Variants in DHH observed in about 807,000 individuals in gnomAD.
The protein encoded by DHH is desert hedgehog protein.
Under a neutral mutation model 27.6 loss-of-function variants are expected in DHH, and 16 were observed. The observed-to-expected ratio is 0.58, with a 90% CI of 0.39 to 0.88. The LOEUF (loss-of-function observed/expected upper bound fraction) is 0.88. DHH is among the 40% of genes least tolerant of loss of function. DHH has a pLI of 0.00. For missense variants in DHH, 436 were observed against 563.1 expected (o/e 0.77, Z 2.28); for synonymous variants, 289 against 263.4 (o/e 1.10, Z -0.94).
intron 1 of DHH, among the ~76,000 whole-genome samples, chr12:49,092,585 C>T (rs1464552563): frequency 3.3e-5 from 5 of 152,354 alleles, no homozygotes. Flanking sequence ...TAGTCTCCTC[C>T]ACCCCGCAGA....
chr12:49,091,791 C>A lies in DHH; in HGVS notation c.304-402G>T, dbSNP rs994050049. Among the ~76,000 whole-genome samples, 1 of 152,144 alleles carries A rather than the reference C, an allele frequency of 6.6e-6. No individual in the cohort carries two copies. Among genetic ancestry groups the A allele is most frequent in the African/African-American group, 2.4e-5 (1 of 41,440 alleles). ...TGAGCCTGGCCCCCGCCCCAGGCACCGGCTCCCCTCCCTCCGCCTGATTCA... is the reference window on the plus strand; with the variant it reads ...TGAGCCTGGCCCCCGCCCCAGGCACAGGCTCCCCTCCCTCCGCCTGATTCA... On this transcript the variant is annotated intron_variant, in intron 1 of 2. Transcript: ENST00000649637. This position sits in a 1 kb window ranked among gnomAD's most constrained non-coding sequence, Gnocchi z 4.8.
Position 49,091,760 on chromosome 12 carries a change from C to A in DHH, c.304-371G>T, listed in dbSNP as rs1400706460. 6.6e-6 allele frequency among the ~76,000 whole-genome samples: 1 copy of A among 152,146 alleles called. No homozygotes were observed. Among genetic ancestry groups the A allele is most frequent in the Admixed American group, 6.5e-5 (1 of 15,282 alleles). ...AGGGCCTGGTTGCTCCCGGAGAGCC[C>A]CTGTTTGAGCCTGGCCCCCGCCCCA... On this transcript the variant is annotated intron_variant, in intron 1 of 2. Transcript: ENST00000649637. This position sits in a 1 kb window ranked among gnomAD's most constrained non-coding sequence, Gnocchi z 4.8.
rs1373354654 is a variant in DHH at position 49,090,097 on chromosome 12, C to G, written c.953G>C (p.Arg318Pro). 7 of 1,527,692 alleles carry G rather than the reference C, an allele frequency of 4.6e-6. No individual in the cohort carries two copies. The highest frequency in any genetic ancestry group is 6.2e-6 in the Non-Finnish European group (7 of 1,137,756). 94.6% of individuals were successfully genotyped at this position (1,527,692 alleles called of 1,614,324 possible). A position where few individuals can be genotyped will look rare whatever the true frequency, so the allele number is the denominator to read the frequency against. The change falls in exon 3 of 3, where the codon CGG (arginine) becomes CCG (proline). Residue 318 changes from arginine to proline, a missense_variant. Coordinates refer to ENST00000649637, the MANE Select transcript of DHH (RefSeq NM_021044.4). This position sits in a 1 kb window ranked among gnomAD's most constrained non-coding sequence, Gnocchi z 5.2. ...CGCGAACACGCCCACGGCTTCCTCCCGCGCCACACGGGCCACGCGCGCTGG... is the reference window on the plus strand; with the variant it reads ...CGCGAACACGCCCACGGCTTCCTCCGGCGCCACACGGGCCACGCGCGCTGG... The part of the protein sequence containing the change: ...LRPARVARVA[R>P]EEAVGVFAPL...
rs1469049861 is a variant in DHH at position 49,091,746 on chromosome 12, G to T, written c.304-357C>A. 1.3e-5 allele frequency among the ~76,000 whole-genome samples: 2 copies of T among 152,200 alleles called. No individual in the cohort carries two copies. The highest frequency in any genetic ancestry group is 1.9e-4 in the East Asian group (1 of 5,184). ...AAGCGTGGTCAGGGAGGGCCTGGTTGCTCCCGGAGAGCCCCTGTTTGAGCC... is the reference window on the plus strand; with the variant it reads ...AAGCGTGGTCAGGGAGGGCCTGGTTTCTCCCGGAGAGCCCCTGTTTGAGCC... On this transcript the variant is annotated intron_variant, in intron 1 of 2. Transcript: ENST00000649637. The surrounding 1 kb of genome is among the most constrained non-coding windows in gnomAD (Gnocchi z 4.8).
chr12:49,094,567 G>A lies in DHH; in HGVS notation c.-55C>T. Reference sequence around the variant, plus strand: ...CGTTCTTGTCCTCACTAACTCTCCTGTCAGTTAGGCATCTCCACAGGCACC... The same window carrying A: ...CGTTCTTGTCCTCACTAACTCTCCTATCAGTTAGGCATCTCCACAGGCACC... On this transcript the variant is annotated 5_prime_UTR_variant, in exon 1 of 3. Transcript: ENST00000649637. 4 of 1,536,198 alleles carry A rather than the reference G, an allele frequency of 2.6e-6. No individual in the cohort carries two copies. Among genetic ancestry groups the A allele is most frequent in the Non-Finnish European group, 3.5e-6 (4 of 1,134,646 alleles).
At position 49,091,590 on chromosome 12, in the gene DHH, C is replaced by G. The variant is rs11168854; in HGVS notation, c.304-201G>C. Among the ~76,000 whole-genome samples, 65,614 of 152,000 alleles carry G rather than the reference C, an allele frequency of 0.43. 14,854 individuals are homozygous for G. The highest frequency in any genetic ancestry group is 0.58 in the East Asian group (3,007 of 5,146). On this transcript the variant is annotated intron_variant, in intron 1 of 2. Coordinates refer to ENST00000649637, the MANE Select transcript of DHH (RefSeq NM_021044.4). This position sits in a 1 kb window ranked among gnomAD's most constrained non-coding sequence, Gnocchi z 4.8. ...CAGGACGTCGTTGGAGAACTGTGGGCTCACCTCTGAGGTTGAGAGGGGGTG... is the reference window on the plus strand; with the variant it reads ...CAGGACGTCGTTGGAGAACTGTGGGGTCACCTCTGAGGTTGAGAGGGGGTG...
In DHH at chr12:49,094,564, C is replaced by A. The variant is rs1368735785; in HGVS notation, c.-52G>T. ...GAGCGTTCTTGTCCTCACTAACTCT[C>A]CTGTCAGTTAGGCATCTCCACAGGC... is the stretch of plus-strand genomic sequence containing the variant. On this transcript the variant is annotated 5_prime_UTR_variant, in exon 1 of 3. Coordinates refer to ENST00000649637, the MANE Select transcript of DHH (RefSeq NM_021044.4). The A allele has an allele frequency of 2.6e-6, 4 of 1,538,124 alleles. No individual in the cohort carries two copies. The highest frequency in any genetic ancestry group is 1.2e-5 in the South Asian group (1 of 83,816).
At chr12:49,094,070 C>T (rs1302434096) in intron 1 of DHH, 140 bp downstream of exon 1, 18 of 957,346 alleles carry the variant, frequency 1.9e-5, no homozygotes, top group South Asian at 3.0e-5. Context: ...AGGATTTTTC[C>T]CCCCCCTGGG....
chr12:49,090,591 A>C lies in DHH; in HGVS notation c.566-107T>G, dbSNP rs1939282126. 2 of 1,463,358 alleles carry C rather than the reference A, an allele frequency of 1.4e-6. No individual in the cohort carries two copies. Among genetic ancestry groups the C allele is most frequent in the Non-Finnish European group, 1.9e-6 (2 of 1,080,710 alleles). The allele number at this position is 1,463,358 out of a possible 1,614,324, so 90.6% of individuals were successfully genotyped here. A position where few individuals can be genotyped will look rare whatever the true frequency, so the allele number is the denominator to read the frequency against. ...GTCATGGACAACACAATTTTCCGTTAATCTGACTGGCCCCAACCTGGGCAG... is the reference window on the plus strand; with the variant it reads ...GTCATGGACAACACAATTTTCCGTTCATCTGACTGGCCCCAACCTGGGCAG... On this transcript the variant is annotated intron_variant, in intron 2 of 2. Coordinates refer to ENST00000649637, the MANE Select transcript of DHH (RefSeq NM_021044.4). The surrounding 1 kb of genome is among the most constrained non-coding windows in gnomAD (Gnocchi z 5.2).
rs1565572290 is a variant in DHH, at chr12:49,088,463, C to A, written c.*1396G>T. On this transcript the variant is annotated 3_prime_UTR_variant, in exon 3 of 3. Transcript: ENST00000649637. Reference sequence around the variant, plus strand: ...GGCGGTGTATAGCAGGGACCCTGTGCGATGGGAGCGCACAGCGGCTACTGG... The same window carrying A: ...GGCGGTGTATAGCAGGGACCCTGTGAGATGGGAGCGCACAGCGGCTACTGG... Among the ~76,000 whole-genome samples, 1 of 152,162 alleles carries A rather than the reference C, an allele frequency of 6.6e-6. No homozygotes were observed. Among genetic ancestry groups the A allele is most frequent in the Non-Finnish European group, 1.5e-5 (1 of 68,034 alleles).
chr12:49,089,241 G>T lies in DHH; in HGVS notation c.*618C>A, dbSNP rs1313625224. Among the ~76,000 whole-genome samples, 2 of 152,254 alleles carry T rather than the reference G, an allele frequency of 1.3e-5. No individual in the cohort carries two copies. Among genetic ancestry groups the T allele is most frequent in the Admixed American group, 6.5e-5 (1 of 15,290 alleles). ...GATGGGAGACGGAAACAGCAGCCTG[G>T]AAAAGGGTACGACTCTTGTGGGCTC... On this transcript the variant is annotated 3_prime_UTR_variant, in exon 3 of 3. Transcript: ENST00000649637.
chr12:49,092,527 C>T (rs1257311142), intron 1 of DHH, among the ~76,000 whole-genome samples: 3 of 152,216 alleles, frequency 2.0e-5, no homozygotes, highest in Non-Finnish European at 2.9e-5. Flanking sequence ...GACCTCTCAC[C>T]TCGGACTTGG....
Position 49,089,739 on chromosome 12 carries a change from T to C in DHH, c.*120A>G, listed in dbSNP as rs1592184783. On this transcript the variant is annotated 3_prime_UTR_variant, in exon 3 of 3. Coordinates refer to ENST00000649637, the MANE Select transcript of DHH (RefSeq NM_021044.4). ...CCCTAAGCCAGGCATAGCCCCATTT[T>C]CTCCCTCCCCCTCCCTCTCCCTCCC... The C allele has an allele frequency of 7.4e-7, 1 of 1,353,220 alleles. No individual in the cohort carries two copies. The highest frequency in any genetic ancestry group is 1.6e-5 in the South Asian group (1 of 61,336). 83.8% of individuals were successfully genotyped at this position (1,353,220 alleles called of 1,614,324 possible).
In DHH at chr12:49,088,269, A is replaced by G. The variant is rs1349721211; in HGVS notation, c.*1590T>C. 6.6e-6 allele frequency among the ~76,000 whole-genome samples: 1 copy of G among 152,112 alleles called. No individual in the cohort carries two copies. The highest frequency in any genetic ancestry group is 1.5e-5 in the Non-Finnish European group (1 of 67,996). On this transcript the variant is annotated 3_prime_UTR_variant, in exon 3 of 3. Coordinates refer to ENST00000649637, the MANE Select transcript of DHH (RefSeq NM_021044.4). ...GGTGGACTCCTTGACAGCTCCTGAT[A>G]TGTGTGACTCAGCGCTGGCAGCTTA... is the stretch of plus-strand genomic sequence containing the variant.
At position 49,090,696 on chromosome 12, in the gene DHH, TATGTATGTATGTATG is replaced by T. The variant is rs1200224513; in HGVS notation, c.566-227_566-213del. Among the ~76,000 whole-genome samples the T allele has an allele frequency of 5.3e-5, 8 of 150,498 alleles. No homozygotes were observed. The highest frequency in any genetic ancestry group is 1.2e-4 in the African/African-American group (5 of 41,142). ...GTATGTATGTATGTATGTATGTATGTATGTATGTATGTATGTATTTTGAGATAGAATCTCGCTCTG... is the reference window on the plus strand; with the variant it reads ...GTATGTATGTATGTATGTATGTATGTTATTTTGAGATAGAATCTCGCTCTG... On this transcript the variant is annotated intron_variant, in intron 2 of 2. Transcript: ENST00000649637. This position sits in a 1 kb window ranked among gnomAD's most constrained non-coding sequence, Gnocchi z 5.2.
Position 49,094,419 on chromosome 12 carries a change from G to T in DHH, c.94C>A (p.Arg32=), listed in dbSNP as rs1197153692. The part of the protein sequence containing the change: ...SCGPGRGPVG[R]RRYARKQLVP... Reference sequence around the variant, plus strand: ...AGCTGCTTGCGCGCATAGCGGCGCCGGCCAACCGGCCCCCGGCCCGGCCCG... The same window carrying T: ...AGCTGCTTGCGCGCATAGCGGCGCCTGCCAACCGGCCCCCGGCCCGGCCCG... The change falls in exon 1 of 3, where the codon CGG becomes AGG. Residue 32 remains arginine (R), a synonymous_variant. Transcript: ENST00000649637. The T allele has an allele frequency of 5.0e-6, 8 of 1,609,002 alleles. No individual in the cohort carries two copies. In the South Asian group the frequency reaches 8.8e-5, roughly 18 times the overall value.
chr12:49,090,697 A>G lies in DHH; in HGVS notation c.566-213T>C, dbSNP rs932559374. Among the ~76,000 whole-genome samples, 3 of 150,166 alleles carry G rather than the reference A, an allele frequency of 2.0e-5. No individual in the cohort carries two copies. Among genetic ancestry groups the G allele is most frequent in the African/African-American group, 7.3e-5 (3 of 40,956 alleles). On this transcript the variant is annotated intron_variant, in intron 2 of 2. Transcript: ENST00000649637. The surrounding 1 kb of genome is among the most constrained non-coding windows in gnomAD (Gnocchi z 5.2). ...TATGTATGTATGTATGTATGTATGT[A>G]TGTATGTATGTATGTATTTTGAGAT...
In DHH at chr12:49,089,013, C is replaced by T. The variant is rs904899289; in HGVS notation, c.*846G>A. Among the ~76,000 whole-genome samples the T allele has an allele frequency of 6.6e-6, 1 of 152,224 alleles. No individual in the cohort carries two copies. The highest frequency in any genetic ancestry group is 2.4e-5 in the African/African-American group (1 of 41,454). ...GGCATATCAGAAAAAACATCCACCC[C>T]ATCCAGGCCCTGCCACCAAGGTAGG... On this transcript the variant is annotated 3_prime_UTR_variant, in exon 3 of 3. Coordinates refer to ENST00000649637, the MANE Select transcript of DHH (RefSeq NM_021044.4).
rs1299978316 is a variant in DHH at position 49,088,485 on chromosome 12, C to A, written c.*1374G>T. Among the ~76,000 whole-genome samples the A allele has an allele frequency of 6.6e-6, 1 of 152,184 alleles. No homozygotes were observed. Among genetic ancestry groups the A allele is most frequent in the Non-Finnish European group, 1.5e-5 (1 of 68,028 alleles). On this transcript the variant is annotated 3_prime_UTR_variant, in exon 3 of 3. Coordinates refer to ENST00000649637, the MANE Select transcript of DHH (RefSeq NM_021044.4). ...GTGCGATGGGAGCGCACAGCGGCTA[C>A]TGGCAAGGGCGAGCTCCGGGTGGTA...
Sources: gnomAD v4.1 joint callset for allele counts (sites outside exome capture counted in the v4.1 genomes callset) on GRCh38, gnomAD v4.1.1 for gene constraint, Gnocchi (gnomAD v3.1) non-coding constraint, MANE v1.5 for transcripts, NCBI Gene and HGNC (gene_info 2026-07-23, HGNC 2026-07-21) for gene names.